The following AMPH variants were observed in gnomAD, a reference collection of about 807,000 sequenced individuals.
AMPH encodes amphiphysin (Stiff-Mann syndrome with breast cancer 128kD autoantigen).
AMPH carries 49 observed loss-of-function variants against 99.1 expected under a neutral mutation model. That is an observed-to-expected ratio of 0.49 (90% confidence interval 0.39 to 0.63). The LOEUF is 0.63. AMPH is among the 20% of genes least tolerant of loss of function. The probability of loss-of-function intolerance (pLI) is 0.00; values close to 1 mark genes in which losing one functional copy is unlikely to be tolerated. For synonymous variants in AMPH, 314 were observed against 317.3 expected (o/e 0.99, Z 0.11); for missense variants, 759 against 863.4 (o/e 0.88, Z 1.52).
intron 5 of AMPH, among the ~76,000 whole-genome samples, chr7:38,481,302 CTTAA>C (rs1183782132): frequency 1.3e-5 from 2 of 151,826 alleles, no homozygotes; most frequent in Non-Finnish European, 2.9e-5. Context: ...CAATAGGAAA[CTTAA>C]TTAAATTACA....
chr7:38,568,309 C>T lies in AMPH; in HGVS notation c.70-33298G>A, dbSNP rs1022598371. Among the ~76,000 whole-genome samples, 7 of 152,044 alleles carry T rather than the reference C, an allele frequency of 4.6e-5. 1 individual carries two copies. Among genetic ancestry groups the T allele is most frequent in the Admixed American group, 3.9e-4 (6 of 15,268 alleles). On this transcript the variant is annotated intron_variant, in intron 1 of 20. Coordinates refer to ENST00000356264, the MANE Select transcript of AMPH (RefSeq NM_001635.4). Reference sequence around the variant, plus strand: ...TGAAACCCCGTCTCTACTAAAAATACAAAAAATTAGCTGGGCATGGTGGTG... The same window carrying T: ...TGAAACCCCGTCTCTACTAAAAATATAAAAAATTAGCTGGGCATGGTGGTG...
At chr7:38,571,522 ATAAAATATATATATTCTG>A (rs1337700091) in intron 1 of AMPH, among the ~76,000 whole-genome samples, 13 of 137,992 alleles carry the variant, frequency 9.4e-5, no homozygotes, top group Admixed American at 5.6e-4. Context: ...TATATATTCT[ATAAAATATATATATTCTG>A]TATAAATATA....
chr7:38,573,399 C>T (rs1792120914), intron 1 of AMPH, among the ~76,000 whole-genome samples: 1 of 152,160 alleles, frequency 6.6e-6, no homozygotes, highest in Non-Finnish European at 1.5e-5. Context: ...ACATACACTC[C>T]TATGAGTGGC....
rs144855286 is a variant in AMPH, at chr7:38,438,532, TCTC to T, written c.1018-2147_1018-2145del. 1.7e-3 allele frequency among the ~76,000 whole-genome samples: 159 copies of T among 92,642 alleles called. 1 individual carries two copies. Among genetic ancestry groups the T allele is most frequent in the African/African-American group, 5.9e-3 (141 of 23,946 alleles). 60.8% of individuals were successfully genotyped at this position (92,642 alleles called of 152,430 possible). On this transcript the variant is annotated intron_variant, in intron 11 of 20. Coordinates refer to ENST00000356264, the MANE Select transcript of AMPH (RefSeq NM_001635.4). ...GAGGAATTCTCAAAGTTCTGCAAGT[TCTC>T]CATAAAATTTTAGGTCATGGGAATA...
chr7:38,601,768 T>TTTTC (rs1202413302), intron 1 of AMPH, among the ~76,000 whole-genome samples: 3 of 152,182 alleles, frequency 2.0e-5, no homozygotes, highest in Non-Finnish European at 4.4e-5. Flanking sequence ...TCTCTGAGTG[T>TTTTC]CTGTTTTCAC....
intron 7 of AMPH, among the ~76,000 whole-genome samples, chr7:38,467,525 G>C (rs973385199): frequency 6.6e-6 from 1 of 151,922 alleles, no homozygotes; most frequent in Non-Finnish European, 1.5e-5. Flanking sequence ...CTCAACAAAG[G>C]ACCTATCCAA....
chr7:38,518,149 A>G (rs1446531408), intron 2 of AMPH, among the ~76,000 whole-genome samples: 1 of 152,228 alleles, frequency 6.6e-6, no homozygotes, highest in Non-Finnish European at 1.5e-5. Flanking sequence ...AAGCCTTAGT[A>G]GTGTCCACAT....
chr7:38,427,624 TTTG>T (rs536170625), intron 14 of AMPH, among the ~76,000 whole-genome samples: 2 of 146,566 alleles, frequency 1.4e-5, no homozygotes, highest in Admixed American at 7.2e-5. Flanking sequence ...TTGGGTTCTT[TTTG>T]TTGTTGTTGT....
chr7:38,591,410 C>T (rs1003200853), intron 1 of AMPH, among the ~76,000 whole-genome samples: 4 of 151,842 alleles, frequency 2.6e-5, no homozygotes, highest in Non-Finnish European at 5.9e-5. Context: ...GCCTCAGCCT[C>T]CCTAGTAGCT....
At chr7:38,528,704 T>A (rs1790283344) in intron 2 of AMPH, among the ~76,000 whole-genome samples, 1 of 152,026 alleles carries the variant, frequency 6.6e-6, no homozygotes, top group Non-Finnish European at 1.5e-5. Context: ...TTCTCTATTG[T>A]TTTCCATTTT....
intron 11 of AMPH, 100 bp downstream of exon 11, chr7:38,461,182 GT>G: frequency 7.4e-7 from 1 of 1,342,504 alleles, no homozygotes; most frequent in Non-Finnish European, 1.0e-6. Context: ...TTAAAATTAT[GT>G]TGTTGGTTCT....
chr7:38,539,964 C>T (rs757317608), intron 1 of AMPH, among the ~76,000 whole-genome samples: 16 of 152,160 alleles, frequency 1.1e-4, no homozygotes, highest in Non-Finnish European at 1.8e-4. Flanking sequence ...CTCTATGTCA[C>T]GAGTATTTGA....
chr7:38,578,973 T>C (rs772712961), intron 1 of AMPH, among the ~76,000 whole-genome samples: 5 of 152,250 alleles, frequency 3.3e-5, no homozygotes, highest in Non-Finnish European at 7.3e-5. Context: ...ATACAGCTTC[T>C]GGAAAACTCC....
In AMPH at chr7:38,525,277, TAGAG is replaced by T. The variant is rs66462162; in HGVS notation, c.150+9650_150+9653del. Among the ~76,000 whole-genome samples the T allele has an allele frequency of 6.6e-3, 571 of 86,616 alleles. 3 individuals carry two copies. The highest frequency in any genetic ancestry group is 0.022 in the African/African-American group (470 of 21,084). The allele number at this position is 86,616 out of a possible 152,430, so 56.8% of individuals were successfully genotyped here. A position where few individuals can be genotyped will look rare whatever the true frequency, so the allele number is the denominator to read the frequency against. On this transcript the variant is annotated intron_variant, in intron 2 of 20. Coordinates refer to ENST00000356264, the MANE Select transcript of AMPH (RefSeq NM_001635.4). The stretch of plus-strand genomic sequence containing the variant: ...GTGTGTGTATATATATATATATATA[TAGAG>T]AGAGAGAGAGAGAGAGAGAGAGAGA...
At chr7:38,509,615 G>T (rs987176186) in intron 2 of AMPH, among the ~76,000 whole-genome samples, 5 of 152,080 alleles carry the variant, frequency 3.3e-5, no homozygotes, top group Admixed American at 6.6e-5. Context: ...CTGCTTTATT[G>T]CCTTGAATTT....
intron 19 of AMPH, 30 bp downstream of exon 19, chr7:38,391,718 G>A (rs2128974470): frequency 6.3e-7 from 1 of 1,599,472 alleles, no homozygotes; most frequent in East Asian, 2.2e-5. Context: ...AGCAAAAAAA[G>A]GATAAATGAG....
chr7:38,515,906 G>A (rs1270177080), intron 2 of AMPH, among the ~76,000 whole-genome samples: 2 of 152,200 alleles, frequency 1.3e-5, no homozygotes, highest in Admixed American at 1.3e-4. Flanking sequence ...GCAAAGAGAT[G>A]GCAGGCATTG....
chr7:38,462,434 G>T (rs1304096554), intron 10 of AMPH, among the ~76,000 whole-genome samples: 1 of 152,080 alleles, frequency 6.6e-6, no homozygotes, highest in Non-Finnish European at 1.5e-5. Context: ...GGAGAATAAA[G>T]GTGGTAGTTT....
At chr7:38,581,877 C>A (rs1053259863) in intron 1 of AMPH, among the ~76,000 whole-genome samples, 1 of 152,012 alleles carries the variant, frequency 6.6e-6, no homozygotes, top group East Asian at 1.9e-4. Flanking sequence ...GAGGTGAAAA[C>A]GACTATAGGG....
Sources: gnomAD v4.1 joint callset for allele counts (sites outside exome capture counted in the v4.1 genomes callset) on GRCh38, gnomAD v4.1.1 for gene constraint, MANE v1.5 for transcripts, NCBI Gene and HGNC (gene_info 2026-07-23, HGNC 2026-07-21) for gene names.